Variants in MEG3 observed in about 807,000 individuals in gnomAD.
The protein encoded by MEG3 is Very putative protein from MEG3 locus.
chr14:100,832,003 C>T (rs1485900351), downstream of MEG3: 9 of 151,746 alleles, frequency 5.9e-5, no homozygotes, highest in Admixed American at 1.3e-4. Context: ...ACTAGATTTT[C>T]GTATACATTA....
chr14:100,836,060 G>A (rs1297096220), intron 1 of MEG3: 5 of 369,314 alleles, frequency 1.4e-5, no homozygotes, highest in South Asian at 2.0e-5. Flanking sequence ...CCACTCCACC[G>A]AAAAGTAAAC....
intron 1 of MEG3, among the ~76,000 whole-genome samples, chr14:100,827,234 C>T (rs1179406919): frequency 6.8e-6 from 1 of 147,916 alleles, no homozygotes; most frequent in East Asian, 2.1e-4. Context: ...CCTGGGCCGG[C>T]GGGCCTGGTG....
intron 2 of MEG3, among the ~76,000 whole-genome samples, chr14:100,844,714 G>A (rs1340898000): frequency 6.6e-6 from 1 of 152,138 alleles, no homozygotes; most frequent in Non-Finnish European, 1.5e-5. Flanking sequence ...GTCATGATAC[G>A]TGTCTGACAT....
At chr14:100,834,593 C>A in exon 1 of MEG3, 1 of 429,030 alleles carries the variant, frequency 2.3e-6, no homozygotes, top group Non-Finnish European at 4.7e-6. Flanking sequence ...TCCTCGTCTT[C>A]CTCTCTCTCA....
At chr14:100,839,490 T>G (rs765739196) in intron 2 of MEG3, among the ~76,000 whole-genome samples, 1 of 152,000 alleles carries the variant, frequency 6.6e-6, no homozygotes, top group Non-Finnish European at 1.5e-5. Flanking sequence ...GTTCCTGGTC[T>G]GGAAAGGGGA....
At chr14:100,827,727 G>A (rs1487465957) in intron 1 of MEG3, among the ~76,000 whole-genome samples, 1 of 152,160 alleles carries the variant, frequency 6.6e-6, no homozygotes, top group Non-Finnish European at 1.5e-5. Context: ...GGCGGGGAGC[G>A]GCGTGGTGGC....
chr14:100,827,231 C>T (rs575513561), intron 1 of MEG3, among the ~76,000 whole-genome samples: 2 of 150,592 alleles, frequency 1.3e-5, no homozygotes, highest in Admixed American at 6.6e-5. Context: ...CACCCTGGGC[C>T]GGCGGGCCTG....
At chr14:100,830,499 C>G (rs1392018883), downstream of MEG3, 1 of 152,142 alleles carries the variant, frequency 6.6e-6, no homozygotes, top group Admixed American at 6.5e-5. Flanking sequence ...CCGAGGCTGT[C>G]CCTCCTTGCT....
At chr14:100,854,146 C>A (rs1406189316), upstream of MEG3, 2 of 152,344 alleles carry the variant, frequency 1.3e-5, no homozygotes, top group Non-Finnish European at 2.9e-5. Context: ...CAGCATTTTA[C>A]AATGTTCAGC....
chr14:100,833,435 T>G (rs2037455319), downstream of MEG3: 1 of 152,216 alleles, frequency 6.6e-6, no homozygotes, highest in Admixed American at 6.5e-5. Flanking sequence ...ACTTTTTGTA[T>G]TTTTAGGAGA....
At chr14:100,832,551 G>A (rs900662443), downstream of MEG3, 2 of 152,638 alleles carry the variant, frequency 1.3e-5, no homozygotes, top group African/African-American at 4.8e-5. Flanking sequence ...GGCTGCAGAC[G>A]TTAATGAGGT....
chr14:100,826,272 G>T (rs573469555), intron 1 of MEG3: 1 of 152,248 alleles, frequency 6.6e-6, no homozygotes, highest in Non-Finnish European at 1.5e-5. Flanking sequence ...GACGGCATCC[G>T]CTTCTGGGAT....
At chr14:100,827,682 A>G (rs2037280473) in intron 1 of MEG3, among the ~76,000 whole-genome samples, 2 of 152,190 alleles carry the variant, frequency 1.3e-5, no homozygotes, top group African/African-American at 4.8e-5. Flanking sequence ...GGGAGGCACG[A>G]CTTTGGAGGC....
intron 3 of MEG3, chr14:100,850,862 G>A (rs763212623): frequency 1.3e-5 from 2 of 152,332 alleles, no homozygotes. Context: ...AGAAAGGGTG[G>A]TAGGAAGGTA....
chr14:100,834,865 GCTT>G, exon 1 of MEG3: 1 of 453,606 alleles, frequency 2.2e-6, no homozygotes, highest in Non-Finnish European at 4.4e-6. Context: ...TGTGTGAGCA[GCTT>G]CCGACCCCTG....
At position 100,826,304 on chromosome 14, in the gene MEG3, G is replaced by GGGT. The variant is rs1362910081; in HGVS notation, n.372-2404_372-2403insGGT. The stretch of plus-strand genomic sequence containing the variant: ...GGATGGGCTCTGTCCTCCTGGACAT[G>GGGT]CCGAGAGCCTGCCTGATCCTGGGTC... On this transcript the variant is annotated intron_variant and non_coding_transcript_variant, in intron 1 of 2. Coordinates refer to ENST00000556407, the Ensembl canonical transcript of MEG3. 5 of 152,386 alleles carry GGGT rather than the reference G, an allele frequency of 3.3e-5. No individual in the cohort carries two copies. In the East Asian group the frequency reaches 9.6e-4, roughly 29 times the overall value. 9.4% of individuals were successfully genotyped at this position (152,386 alleles called of 1,614,324 possible).
At chr14:100,839,678 G>C (rs1014920282) in intron 2 of MEG3, among the ~76,000 whole-genome samples, 4 of 152,200 alleles carry the variant, frequency 2.6e-5, no homozygotes, top group African/African-American at 9.6e-5. Context: ...GTGGGAGTGT[G>C]GGGGGCCCTC....
At chr14:100,846,141 A>C (rs2037911234) in intron 3 of MEG3, 1 of 152,244 alleles carries the variant, frequency 6.6e-6, no homozygotes, top group African/African-American at 2.4e-5. Flanking sequence ...TGAAAGGCCA[A>C]AATATTTTTA....
chr14:100,836,012 C>T (rs1009680174), intron 1 of MEG3: 3 of 348,994 alleles, frequency 8.6e-6, no homozygotes, highest in African/African-American at 6.5e-5. Context: ...TGCTGCTTTG[C>T]ACCTTTTCCT....
Sources: allele counts gnomAD v4.1 joint callset (sites outside exome capture counted in the v4.1 genomes callset), GRCh38; gene constraint gnomAD v4.1.1; transcripts MANE v1.5; gene names NCBI Gene and HGNC (gene_info 2026-07-23, HGNC 2026-07-21).